The following ITPR1 variants were observed in gnomAD, a reference collection of about 807,000 sequenced individuals.
ITPR1 encodes the protein inositol 1,4,5-trisphosphate-gated calcium channel ITPR1.
In ITPR1, 96 loss-of-function variants were observed where a neutral mutation model predicts 318.4. That is an observed-to-expected ratio of 0.30 (90% CI 0.26 to 0.36). The LOEUF is 0.36. Among genes scored for constraint, ITPR1 ranks in the 10% least tolerant of loss-of-function variants. The pLI is 1.00. For missense variants in ITPR1, 2,440 were observed against 3,460.2 expected (o/e 0.71, Z 7.40); for synonymous variants, 1,312 against 1,289.9 (o/e 1.02, Z -0.37).
intron 2 of ITPR1, among the ~76,000 whole-genome samples, chr3:4,499,356 T>C (rs2080847290): frequency 6.6e-6 from 1 of 152,214 alleles, no homozygotes; most frequent in Admixed American, 6.5e-5. Context: ...TCTCATTTGG[T>C]AAATTACCTT....
At chr3:4,761,414 A>G (rs2045439042) in intron 44 of ITPR1, among the ~76,000 whole-genome samples, 1 of 152,210 alleles carries the variant, frequency 6.6e-6, no homozygotes, top group Admixed American at 6.5e-5. Context: ...CCCCAGCTGC[A>G]TCCATTTTGC....
chr3:4,673,543 A>G lies in ITPR1; in HGVS notation c.2456+156A>G, dbSNP rs928883198. 3.5e-4 allele frequency among the ~76,000 whole-genome samples: 53 copies of G among 152,144 alleles called. 1 individual carries two copies. Among genetic ancestry groups the G allele is most frequent in the Non-Finnish European group, 1.0e-4 (7 of 68,018 alleles). On this transcript the variant is annotated intron_variant, in intron 21 of 61. Transcript: ENST00000649015. ...TGGATGGCAAATATTTTTTTCCTCA[A>G]GAATGTGAAAGATGGCATGATTATG...
intron 40 of ITPR1, among the ~76,000 whole-genome samples, chr3:4,723,630 AAGAG>A (rs1181390379): frequency 2.0e-5 from 3 of 151,624 alleles, no homozygotes; most frequent in Non-Finnish European, 4.4e-5. Context: ...TCTCTGGACA[AAGAG>A]AGCACAGGCA....
chr3:4,814,263 T>A (rs1450622089), intron 57 of ITPR1, 160 bp from the exon 58 acceptor site: 2 of 786,226 alleles, frequency 2.5e-6, no homozygotes, highest in East Asian at 2.7e-5. Flanking sequence ...CCAGACGACT[T>A]TAGCTTTTGA....
At chr3:4,543,241 G>A (rs1291536929) in intron 4 of ITPR1, among the ~76,000 whole-genome samples, 6 of 149,798 alleles carry the variant, frequency 4.0e-5, no homozygotes, top group South Asian at 4.2e-4. Flanking sequence ...CAGCCTGGGC[G>A]ACAGAGCAAG....
At chr3:4,544,453 A>C (rs2084770692) in intron 4 of ITPR1, among the ~76,000 whole-genome samples, 1 of 152,198 alleles carries the variant, frequency 6.6e-6, no homozygotes. Flanking sequence ...ATTCACCATA[A>C]ATAGTATGAG....
At chr3:4,627,137 A>G (rs1281722519) in intron 4 of ITPR1, among the ~76,000 whole-genome samples, 3 of 151,564 alleles carry the variant, frequency 2.0e-5, no homozygotes, top group African/African-American at 7.3e-5. Context: ...ATTTTTTCTA[A>G]ATTGAATAGT....
At chr3:4,719,699 G>A (rs1406351295) in intron 40 of ITPR1, among the ~76,000 whole-genome samples, 1 of 152,202 alleles carries the variant, frequency 6.6e-6, no homozygotes, top group East Asian at 1.9e-4. Flanking sequence ...GCCTACTGAG[G>A]CCCTGTCAGT....
At chr3:4,717,600 A>C (rs2041868500) in intron 40 of ITPR1, among the ~76,000 whole-genome samples, 1 of 152,022 alleles carries the variant, frequency 6.6e-6, no homozygotes, top group Admixed American at 6.6e-5. Context: ...GTCCTTGGAG[A>C]TCTCATCTGA....
At position 4,813,173 on chromosome 3, in the gene ITPR1, G is replaced by C. The variant is rs773281189; in HGVS notation, c.7500G>C (p.Leu2500=). 1.7e-5 allele frequency: 27 copies of C among 1,613,864 alleles called. No homozygotes were observed. Among genetic ancestry groups the C allele is most frequent in the Non-Finnish European group, 2.3e-5 (27 of 1,179,890 alleles). The change falls in exon 57 of 62, where the codon CTG becomes CTC. Residue 2500 remains leucine (L), a synonymous_variant. Transcript: ENST00000649015. ...GCGAGAGTTTGGCAAGCGAGTTCCT[G>C]TTCTCCGATGTGTGTAGGGTGGAGA... ...ETGESLASEF[L]FSDVCRVESG... is the part of the protein sequence containing the mutation.
chr3:4,712,387 A>G (rs2041443554), intron 39 of ITPR1, among the ~76,000 whole-genome samples: 1 of 152,194 alleles, frequency 6.6e-6, no homozygotes, highest in Non-Finnish European at 1.5e-5. Context: ...TGTTCTTAGT[A>G]TATGCAGTGA....
intron 15 of ITPR1, 31 bp from the exon 16 acceptor site, chr3:4,663,034 A>G (rs779871580): frequency 1.9e-6 from 3 of 1,609,934 alleles, no homozygotes; most frequent in East Asian, 2.2e-5. Context: ...CACTGAACAC[A>G]TCTGTCTCTA....
chr3:4,526,461 G>A (rs192413633), intron 4 of ITPR1, among the ~76,000 whole-genome samples: 67 of 152,298 alleles, frequency 4.4e-4, no homozygotes, highest in Admixed American at 2.3e-3. Context: ...GACCTCCAGC[G>A]CTGAGGCCCT....
intron 44 of ITPR1, among the ~76,000 whole-genome samples, chr3:4,757,758 TC>T (rs2045117751): frequency 1.3e-5 from 2 of 152,116 alleles, no homozygotes; most frequent in South Asian, 4.2e-4. Flanking sequence ...GCCCGGCAAA[TC>T]GGAAACGTTC....
At chr3:4,495,968 C>A (rs768477777) in intron 2 of ITPR1, among the ~76,000 whole-genome samples, 2 of 152,082 alleles carry the variant, frequency 1.3e-5, no homozygotes, top group African/African-American at 4.8e-5. Flanking sequence ...AGGATGTAGC[C>A]ACAAACATAG....
chr3:4,692,719 AGAGT>A (rs1273106468), intron 32 of ITPR1, among the ~76,000 whole-genome samples: 1 of 152,176 alleles, frequency 6.6e-6, no homozygotes, highest in Non-Finnish European at 1.5e-5. Flanking sequence ...AACTTTTTGA[AGAGT>A]AAGTATGGAG....
At chr3:4,669,557 A>C (rs2094027304) in intron 18 of ITPR1, 97 bp from the exon 19 acceptor site, 1 of 1,177,624 alleles carries the variant, frequency 8.5e-7, no homozygotes, top group Admixed American at 2.4e-5. Context: ...GTCTTGGTAA[A>C]GGTATGTTGG....
chr3:4,554,231 C>G (rs554422748), intron 4 of ITPR1, among the ~76,000 whole-genome samples: 1 of 152,156 alleles, frequency 6.6e-6, no homozygotes, highest in African/African-American at 2.4e-5. Flanking sequence ...GAATTCTGTT[C>G]TCTTTGATAG....
intron 2 of ITPR1, among the ~76,000 whole-genome samples, chr3:4,497,739 G>C (rs777621361): frequency 2.0e-5 from 3 of 152,162 alleles, no homozygotes; most frequent in African/African-American, 7.2e-5. Flanking sequence ...AAGTAGGGAC[G>C]TGAGCAGATA....
Sources: gnomAD v4.1 joint callset for allele counts (sites outside exome capture counted in the v4.1 genomes callset) on GRCh38, gnomAD v4.1.1 for gene constraint, MANE v1.5 for transcripts, NCBI Gene and HGNC (gene_info 2026-07-23, HGNC 2026-07-21) for gene names.